The following CFAP43 variants were observed in gnomAD, a reference collection of about 807,000 sequenced individuals.
CFAP43 encodes cilia and flagella associated protein 43, also known as cilia- and flagella-associated protein 43.
Under a neutral mutation model 218.9 loss-of-function variants are expected in CFAP43, and 155 were observed. The ratio of observed to expected loss-of-function variants is 0.71; its 90% CI spans 0.62 to 0.81. The LOEUF is 0.81. Among genes scored for constraint, CFAP43 ranks in the 30% least tolerant of loss-of-function variants. The pLI, the probability that CFAP43 is intolerant of heterozygous loss-of-function variation, is 0.00. For missense variants in CFAP43, 1,778 were observed against 1,954.3 expected (o/e 0.91, Z 1.70); for synonymous variants, 645 against 681.3 (o/e 0.95, Z 0.83).
rs2088316442 is a variant in CFAP43 at position 104,152,523 on chromosome 10, GTAAGGATGTTGAT to G, written c.3660+71_3660+83del. On this transcript the variant is annotated intron_variant, in intron 28 of 37. Coordinates refer to ENST00000357060, the MANE Select transcript of CFAP43 (RefSeq NM_025145.7). ...AGAGCATACAAGATCTTAGTACCTG[GTAAGGATGTTGAT>G]CTTCATCCTAAGAACCATGGAAGGG... 7.0e-6 allele frequency: 11 copies of G among 1,568,130 alleles called. No individual in the cohort carries two copies. The East Asian group carries it at 2.5e-4, about 35-fold the overall frequency.
intron 34 of CFAP43, 143 bp from the exon 35 acceptor site, chr10:104,133,927 G>T: frequency 1.4e-6 from 1 of 727,806 alleles, no homozygotes; most frequent in Non-Finnish European, 2.1e-6. Flanking sequence ...CATTAAAAAT[G>T]GCTTCTTGGG....
chr10:104,147,285 A>G (rs1589637763), intron 29 of CFAP43, among the ~76,000 whole-genome samples: 1 of 151,838 alleles, frequency 6.6e-6, no homozygotes, highest in East Asian at 1.9e-4. Flanking sequence ...ATAGGCTCTT[A>G]GAAAAAAGTT....
At chr10:104,139,013 A>T (rs934617386) in intron 34 of CFAP43, among the ~76,000 whole-genome samples, 1 of 152,202 alleles carries the variant, frequency 6.6e-6, no homozygotes, top group Admixed American at 6.5e-5. Context: ...GTTAAACAGA[A>T]ATACTAAATG....
At chr10:104,197,370 C>T (rs1052531671) in intron 9 of CFAP43, among the ~76,000 whole-genome samples, 32 of 152,092 alleles carry the variant, frequency 2.1e-4, no homozygotes, top group Admixed American at 6.6e-5. Flanking sequence ...CTCCACACAC[C>T]TACTACCCTA....
At chr10:104,192,361 C>T (rs111682092) in intron 11 of CFAP43, 59 bp from the exon 12 acceptor site, 2 of 1,297,634 alleles carry the variant, frequency 1.5e-6, no homozygotes, top group Non-Finnish European at 2.2e-6. Flanking sequence ...AGATGGTGAA[C>T]AAGTTTATTG....
At chr10:104,157,775 T>TGAGAGAGAGAGAGAGAGAGA (rs139314213) in intron 27 of CFAP43, among the ~76,000 whole-genome samples, 21 of 90,158 alleles carry the variant, frequency 2.3e-4, no homozygotes, top group African/African-American at 5.5e-4. Flanking sequence ...TGTGTGTGTG[T>TGAGAGAGAGAGAGAGAGAGA]GAGAGAGAGA....
At chr10:104,130,858 C>T (rs894653966) in intron 37 of CFAP43, among the ~76,000 whole-genome samples, 13 of 151,628 alleles carry the variant, frequency 8.6e-5, no homozygotes, top group Non-Finnish European at 1.5e-4. Context: ...ATTAGCCGGG[C>T]ATGGTGGTTC....
chr10:104,214,385 G>A lies in CFAP43; in HGVS notation c.458C>T (p.Pro153Leu). The A allele has an allele frequency of 6.2e-7, 1 of 1,604,612 alleles. No individual in the cohort carries two copies. The highest frequency in any genetic ancestry group is 8.5e-7 in the Non-Finnish European group (1 of 1,175,332). ...AGACATTTGGTTCACATCCATTCCA[G>A]GCTGTGATTTCTTACACAAAATGAT... ...SSIILCKKSQPGMDVNQMSFN... is the reference protein window; with the variant it reads ...SSIILCKKSQLGMDVNQMSFN... The change falls in exon 4 of 38, where the codon CCT (proline) becomes CTT (leucine). Residue 153 changes from proline (P) to leucine (L), a missense_variant. By Grantham distance (98) the Pro-to-Leu change is moderately conservative. Transcript: ENST00000357060.
chr10:104,141,089 A>G, intron 33 of CFAP43, 88 bp from the exon 34 acceptor site: 1 of 1,330,530 alleles, frequency 7.5e-7, no homozygotes, highest in Non-Finnish European at 1.0e-6. Flanking sequence ...GAATCAGCTT[A>G]AGGAAAACAT....
At position 104,183,841 on chromosome 10, in the gene CFAP43, A is replaced by G. The variant is rs139944839; in HGVS notation, c.2141+1175T>C. On this transcript the variant is annotated intron_variant, in intron 16 of 37. Transcript: ENST00000357060. ...AGTATTTGTTCGCTGGTTATAAACA[A>G]TATGTTAGGACTTACATAGTGAGAT... Among the ~76,000 whole-genome samples, 673 of 152,370 alleles carry G rather than the reference A, an allele frequency of 4.4e-3. 1 individual carries two copies. The highest frequency in any genetic ancestry group is 7.1e-3 in the Non-Finnish European group (485 of 68,046).
rs73331597 is a variant in CFAP43 at position 104,161,634 on chromosome 10, T to C, written c.3414+327A>G. ...AATTTATTATCTGTCTAACGTGGTA[T>C]GTTTTTGGTTTTCTGAGACAGGGTC... is the stretch of plus-strand genomic sequence containing the variant. On this transcript the variant is annotated intron_variant, in intron 26 of 37. Transcript: ENST00000357060. Among the ~76,000 whole-genome samples, 255 of 152,296 alleles carry C rather than the reference T, an allele frequency of 1.7e-3. 2 individuals carry two copies. Among genetic ancestry groups the C allele is most frequent in the African/African-American group, 5.8e-3 (242 of 41,560 alleles).
chr10:104,136,439 C>A (rs1283768593), intron 34 of CFAP43, among the ~76,000 whole-genome samples: 3 of 151,734 alleles, frequency 2.0e-5, no homozygotes, highest in Non-Finnish European at 4.4e-5. Flanking sequence ...GGCGCCATCT[C>A]GCCTCACTGC....
At chr10:104,131,789 T>C (rs1309219439) in intron 36 of CFAP43, among the ~76,000 whole-genome samples, 4 of 152,200 alleles carry the variant, frequency 2.6e-5, no homozygotes, top group African/African-American at 9.7e-5. Context: ...TTTTATTCAG[T>C]GATGATTAAA....
At chr10:104,181,092 C>T (rs2089825830) in intron 17 of CFAP43, among the ~76,000 whole-genome samples, 1 of 152,188 alleles carries the variant, frequency 6.6e-6, no homozygotes, top group Non-Finnish European at 1.5e-5. Flanking sequence ...GTCTAACAGG[C>T]TTCTCGAGCT....
chr10:104,162,711 G>T (rs1428495422), intron 24 of CFAP43, among the ~76,000 whole-genome samples: 1 of 152,034 alleles, frequency 6.6e-6, no homozygotes, highest in East Asian at 1.9e-4. Flanking sequence ...AAATTCTGAA[G>T]GATGGGGGTC....
At chr10:104,154,374 T>A (rs1223466604) in intron 27 of CFAP43, among the ~76,000 whole-genome samples, 1 of 152,254 alleles carries the variant, frequency 6.6e-6, no homozygotes, top group East Asian at 1.9e-4. Context: ...GCAAAAATAA[T>A]AGAGGCATAT....
chr10:104,221,857 A>C (rs1380654457), intron 3 of CFAP43, among the ~76,000 whole-genome samples: 1 of 151,854 alleles, frequency 6.6e-6, no homozygotes, highest in Admixed American at 6.6e-5. Context: ...AAATGCACTA[A>C]CCCATTGGAA....
At chr10:104,179,981 C>A in intron 17 of CFAP43, 49 bp from the exon 18 acceptor site, 1 of 1,480,496 alleles carries the variant, frequency 6.8e-7, no homozygotes, top group Non-Finnish European at 9.4e-7. Flanking sequence ...TAAAATTCAT[C>A]AAGTTTTTCC....
At chr10:104,175,466 T>C (rs1031622649) in intron 19 of CFAP43, among the ~76,000 whole-genome samples, 5 of 152,196 alleles carry the variant, frequency 3.3e-5, no homozygotes, top group African/African-American at 1.2e-4. Flanking sequence ...AATATACAGA[T>C]GCTCCTCAAC....
Sources: allele counts gnomAD v4.1 joint callset (sites outside exome capture counted in the v4.1 genomes callset), GRCh38; gene constraint gnomAD v4.1.1; transcripts MANE v1.5; gene names NCBI Gene and HGNC (gene_info 2026-07-23, HGNC 2026-07-21).